DLG2: variants seen among roughly 807,000 people sequenced by gnomAD.
DLG2 encodes discs large MAGUK scaffold protein 2, also known as disks large homolog 2.
A neutral mutation model predicts 132.5 loss-of-function variants in DLG2; 45 were observed. The ratio of observed to expected loss-of-function variants is 0.34; its 90% CI spans 0.27 to 0.44. The LOEUF (loss-of-function observed/expected upper bound fraction) is 0.44, where lower values mean the gene tolerates loss of function less well. Ranked by LOEUF, DLG2 falls within the 20% of genes least tolerant of loss-of-function variation. The probability of loss-of-function intolerance (pLI) is 1.00; values close to 1 mark genes in which losing one functional copy is unlikely to be tolerated. For missense variants in DLG2, 1,045 were observed against 1,196.9 expected (o/e 0.87, Z 1.87); for synonymous variants, 424 against 419.6 (o/e 1.01, Z -0.13).
chr11:84,708,135 G>T (rs971013270), intron 6 of DLG2, among the ~76,000 whole-genome samples: 2 of 151,756 alleles, frequency 1.3e-5, no homozygotes, highest in Non-Finnish European at 2.9e-5. Flanking sequence ...ATATTATGGA[G>T]AAATGGTCTT....
At chr11:84,120,556 C>A (rs2093861006) in intron 9 of DLG2, among the ~76,000 whole-genome samples, 2 of 152,212 alleles carry the variant, frequency 1.3e-5, no homozygotes, top group South Asian at 4.1e-4. Context: ...TCTAGACAGA[C>A]TCACATGACA....
chr11:85,412,811 A>G (rs1373330189), intron 3 of DLG2, among the ~76,000 whole-genome samples: 3 of 149,132 alleles, frequency 2.0e-5, no homozygotes, highest in African/African-American at 7.4e-5. Flanking sequence ...CCACTCATTG[A>G]TGGATGGGCA....
chr11:84,307,711 A>AAAAAAAAAAAAAAAAAGAAAAAG (rs1567239166), intron 7 of DLG2, among the ~76,000 whole-genome samples: 1 of 150,880 alleles, frequency 6.6e-6, no homozygotes, highest in African/African-American at 2.4e-5. Flanking sequence ...AAAAAAAAAA[A>AAAAAAAAAAAAAAAAAGAAAAAG]AAAAAGAAGC....
intron 14 of DLG2, among the ~76,000 whole-genome samples, chr11:83,958,438 C>T (rs907336702): frequency 7.2e-5 from 11 of 152,032 alleles, no homozygotes; most frequent in Non-Finnish European, 1.5e-4. Context: ...TAGAGGCAGC[C>T]AGAAAGACAC....
intron 3 of DLG2, among the ~76,000 whole-genome samples, chr11:85,302,663 A>C (rs1341024065): frequency 4.6e-5 from 7 of 152,176 alleles, no homozygotes; most frequent in African/African-American, 1.7e-4. Context: ...AAAAAAAAAA[A>C]AACAGTCAGT....
chr11:84,448,460 C>T (rs2099042035), intron 7 of DLG2, among the ~76,000 whole-genome samples: 1 of 151,662 alleles, frequency 6.6e-6, no homozygotes, highest in Admixed American at 6.6e-5. Flanking sequence ...TTTGCCATAC[C>T]ATCCCTTTGG....
At chr11:85,243,237 C>T (rs2075977469) in intron 4 of DLG2, among the ~76,000 whole-genome samples, 1 of 151,942 alleles carries the variant, frequency 6.6e-6, no homozygotes, top group African/African-American at 2.4e-5. Flanking sequence ...AGACTAGAAG[C>T]TTATGCTAAT....
chr11:84,880,333 T>A (rs1004542956), intron 6 of DLG2, among the ~76,000 whole-genome samples: 3 of 152,102 alleles, frequency 2.0e-5, no homozygotes, highest in Non-Finnish European at 4.4e-5. Flanking sequence ...ACTGGGAATC[T>A]GTATTGAAAC....
intron 6 of DLG2, among the ~76,000 whole-genome samples, chr11:84,636,910 T>C (rs1020277243): frequency 2.0e-5 from 3 of 151,798 alleles, no homozygotes; most frequent in Non-Finnish European, 4.4e-5. Flanking sequence ...ACCTCCTGAG[T>C]AGCTGGGATT....
At chr11:84,948,792 G>A (rs940694206) in intron 6 of DLG2, among the ~76,000 whole-genome samples, 1 of 152,144 alleles carries the variant, frequency 6.6e-6, no homozygotes, top group South Asian at 2.1e-4. Flanking sequence ...TAAGTACCAT[G>A]ACCTTGGTAA....
intron 4 of DLG2, among the ~76,000 whole-genome samples, chr11:85,205,173 T>G (rs1001429717): frequency 1.3e-5 from 2 of 148,196 alleles, no homozygotes; most frequent in East Asian, 1.9e-4. Context: ...TAGATATATA[T>G]ATATATAACA....
intron 7 of DLG2, among the ~76,000 whole-genome samples, chr11:84,303,248 A>T (rs777258844): frequency 1.9e-4 from 29 of 152,244 alleles, no homozygotes; most frequent in South Asian, 6.2e-4. Context: ...AAACATAATC[A>T]ACTTTAGAGC....
intron 3 of DLG2, among the ~76,000 whole-genome samples, chr11:85,513,575 A>G (rs1176321993): frequency 1.3e-5 from 2 of 151,896 alleles, no homozygotes; most frequent in African/African-American, 2.4e-5. Flanking sequence ...ATGAGCACTT[A>G]TCTTTCACTA....
intron 6 of DLG2, among the ~76,000 whole-genome samples, chr11:84,600,101 A>AGAAG (rs1299107000): frequency 6.7e-6 from 1 of 150,216 alleles, no homozygotes; most frequent in Non-Finnish European, 1.5e-5. Flanking sequence ...AAAAAAAGTA[A>AGAAG]GAAGGAAGGA....
chr11:84,875,310 A>C (rs1334670788), intron 6 of DLG2, among the ~76,000 whole-genome samples: 1 of 152,160 alleles, frequency 6.6e-6, no homozygotes, highest in African/African-American at 2.4e-5. Context: ...TGGCAGATAC[A>C]AATTTGGGGT....
At chr11:84,640,264 G>A (rs771560403) in intron 6 of DLG2, 3 of 322,664 alleles carry the variant, frequency 9.3e-6, no homozygotes, top group Non-Finnish European at 1.8e-5. Flanking sequence ...TACAAGACGA[G>A]GTCTGCACAT....
intron 9 of DLG2, among the ~76,000 whole-genome samples, chr11:84,104,846 T>C (rs1945807): frequency 0.84 from 127,944 of 151,962 alleles, 54,448 homozygotes; most frequent in Middle Eastern, 0.94. Flanking sequence ...ATTTATTGCA[T>C]GCTTATTCTA....
chr11:84,707,091 A>C (rs986263526), intron 6 of DLG2, among the ~76,000 whole-genome samples: 7 of 151,708 alleles, frequency 4.6e-5, no homozygotes, highest in African/African-American at 1.7e-4. Flanking sequence ...GAGTCCAAAG[A>C]ATGGAAGAAA....
intron 21 of DLG2, among the ~76,000 whole-genome samples, chr11:83,501,207 T>C (rs1490244404): frequency 1.3e-5 from 2 of 151,562 alleles, no homozygotes; most frequent in African/African-American, 2.4e-5. Flanking sequence ...CTTTTCTTTT[T>C]TTTTTTTTTG....
Sources: allele counts gnomAD v4.1 joint callset (sites outside exome capture counted in the v4.1 genomes callset), GRCh38; gene constraint gnomAD v4.1.1; transcripts MANE v1.5; gene names NCBI Gene and HGNC (gene_info 2026-07-23, HGNC 2026-07-21).